The following UBR3 variants were observed in gnomAD, a reference collection of about 807,000 sequenced individuals.
UBR3 encodes E3 ubiquitin-protein ligase UBR3.
Under a neutral mutation model 243.2 loss-of-function variants are expected in UBR3, and 85 were observed. The observed-to-expected ratio is 0.35, with a 90% CI of 0.29 to 0.42. UBR3 has a LOEUF of 0.42. Ranked by LOEUF, UBR3 falls within the 10% of genes least tolerant of loss-of-function variation. The pLI, the probability that UBR3 is intolerant of heterozygous loss-of-function variation, is 1.00. For synonymous variants in UBR3, 748 were observed against 799.8 expected, an observed-to-expected ratio of 0.94 and a Z score of 1.09; for missense variants, 1,686 against 2,300.8, an observed-to-expected ratio of 0.73 and a Z score of 5.47.
chr2:169,996,642 G>A (rs2089487863), intron 26 of UBR3, among the ~76,000 whole-genome samples: 1 of 147,726 alleles, frequency 6.8e-6, no homozygotes, highest in South Asian at 2.1e-4. Flanking sequence ...ACGTATGTGT[G>A]TACACATATT....
chr2:170,024,353 CAAAAAA>C (rs10606818), intron 30 of UBR3, among the ~76,000 whole-genome samples: 7 of 101,956 alleles, frequency 6.9e-5, no homozygotes, highest in Non-Finnish European at 9.4e-5. Context: ...GACTCCATCT[CAAAAAA>C]AAAAAAAAAA....
At chr2:169,946,417 T>A in intron 21 of UBR3, 25 bp downstream of exon 21, 2 of 1,370,688 alleles carry the variant, frequency 1.5e-6, no homozygotes, top group Non-Finnish European at 2.0e-6. Flanking sequence ...TAATTTAAAA[T>A]TTTTAGATAG....
chr2:170,004,641 T>TG (rs2105402733), intron 27 of UBR3, among the ~76,000 whole-genome samples: 1 of 152,216 alleles, frequency 6.6e-6, no homozygotes, highest in African/African-American at 2.4e-5. Flanking sequence ...CCAGGTACGG[T>TG]GGCTCATGCC....
intron 1 of UBR3, among the ~76,000 whole-genome samples, chr2:169,851,767 G>A (rs1237847179): frequency 6.6e-6 from 1 of 151,534 alleles, no homozygotes; most frequent in Non-Finnish European, 1.5e-5. Flanking sequence ...GAACCAGGGA[G>A]GCTGAGGTTG....
chr2:169,946,638 A>C (rs1458594908), intron 21 of UBR3, among the ~76,000 whole-genome samples: 1 of 152,128 alleles, frequency 6.6e-6, no homozygotes, highest in Admixed American at 6.5e-5. Context: ...TCATTGATAC[A>C]TTAAATTCTA....
At chr2:170,002,702 A>G (rs968533535) in intron 27 of UBR3, among the ~76,000 whole-genome samples, 7 of 151,906 alleles carry the variant, frequency 4.6e-5, no homozygotes, top group African/African-American at 1.7e-4. Flanking sequence ...TTTCTTCTGT[A>G]TTTTCAGTTT....
chr2:169,911,535 T>C (rs1415839726), intron 10 of UBR3, among the ~76,000 whole-genome samples: 3 of 152,072 alleles, frequency 2.0e-5, no homozygotes, highest in African/African-American at 7.2e-5. Context: ...CATACTGACT[T>C]TTTTGGGGGT....
intron 36 of UBR3, chr2:170,078,196 A>G (rs1012481187): frequency 1.9e-6 from 1 of 531,292 alleles, no homozygotes; most frequent in Non-Finnish European, 3.6e-6. Context: ...TTGAATGTTC[A>G]TAAGCCTCTC....
At chr2:169,948,076 T>G in intron 22 of UBR3, 1 of 374,886 alleles carries the variant, frequency 2.7e-6, no homozygotes, top group Non-Finnish European at 3.5e-6. Flanking sequence ...TGGATTTATG[T>G]GTGTTTTTTT....
intron 26 of UBR3, among the ~76,000 whole-genome samples, chr2:169,999,203 A>C (rs1574368412): frequency 1.3e-5 from 2 of 152,352 alleles, no homozygotes; most frequent in Middle Eastern, 6.8e-3. Context: ...TTAACGGACT[A>C]CCAATCATTC....
intron 30 of UBR3, among the ~76,000 whole-genome samples, chr2:170,028,391 G>C (rs2090585064): frequency 6.6e-6 from 1 of 151,664 alleles, no homozygotes; most frequent in Non-Finnish European, 1.5e-5. Flanking sequence ...ATCTGGTCTA[G>C]TTTTAATTAG....
At chr2:169,909,859 C>T (rs1366626830) in intron 10 of UBR3, among the ~76,000 whole-genome samples, 2 of 151,816 alleles carry the variant, frequency 1.3e-5, no homozygotes, top group African/African-American at 2.4e-5. Context: ...ATTCAGGTAG[C>T]ATATATTTGA....
chr2:169,844,858 T>C (rs2082417011), intron 1 of UBR3, among the ~76,000 whole-genome samples: 1 of 152,156 alleles, frequency 6.6e-6, no homozygotes, highest in African/African-American at 2.4e-5. Context: ...GATTTTTTGT[T>C]GTTGTTGTTC....
At position 169,827,502 on chromosome 2, in the gene UBR3, C is replaced by T. The variant is rs1176907398; in HGVS notation, c.-6C>T. The T allele has an allele frequency of 4.1e-6, 5 of 1,228,276 alleles. No individual in the cohort carries two copies. The highest frequency in any genetic ancestry group is 5.1e-6 in the Non-Finnish European group (5 of 986,472). 76.1% of individuals were successfully genotyped at this position (1,228,276 alleles called of 1,614,324 possible). On this transcript the variant is annotated 5_prime_UTR_variant, in exon 1 of 39. Transcript: ENST00000272793. Reference sequence around the variant, plus strand: ...CCCTGGACTCTCCAAATTCTGAGCTCTCATCATGGCGGCGGCGGCCGCGGC... The same window carrying T: ...CCCTGGACTCTCCAAATTCTGAGCTTTCATCATGGCGGCGGCGGCCGCGGC...
chr2:169,914,474 A>G (rs775540552), intron 11 of UBR3, among the ~76,000 whole-genome samples: 2 of 152,198 alleles, frequency 1.3e-5, no homozygotes, highest in Non-Finnish European at 2.9e-5. Flanking sequence ...AAAAGTGACA[A>G]TGCAAATGTG....
At position 170,077,228 on chromosome 2, in the gene UBR3, A is replaced by G. The variant is rs957459075; in HGVS notation, c.5200-2586A>G. 7 of 718,898 alleles carry G rather than the reference A, an allele frequency of 9.7e-6. No homozygotes were observed. The East Asian group carries it at 1.9e-4, about 20-fold the overall frequency. The allele number at this position is 718,898 out of a possible 1,614,324, so 44.5% of individuals were successfully genotyped here. The stretch of plus-strand genomic sequence containing the variant: ...TAAATATCTATGAAAGTGCTGTCAG[A>G]CCAGTAAGACTGCATTTATACATCC... On this transcript the variant is annotated intron_variant, in intron 36 of 38. Coordinates refer to ENST00000272793, the MANE Select transcript of UBR3 (RefSeq NM_172070.4).
chr2:169,873,668 G>A (rs2083501966), intron 2 of UBR3, among the ~76,000 whole-genome samples: 1 of 151,934 alleles, frequency 6.6e-6, no homozygotes, highest in Admixed American at 6.6e-5. Context: ...GTGAGAGTGT[G>A]CCCTGTGCCC....
At chr2:170,058,662 C>T (rs2091393337) in intron 33 of UBR3, among the ~76,000 whole-genome samples, 1 of 151,878 alleles carries the variant, frequency 6.6e-6, no homozygotes, top group Non-Finnish European at 1.5e-5. Context: ...ACTACAGGCA[C>T]ACACCACCAC....
intron 1 of UBR3, among the ~76,000 whole-genome samples, chr2:169,841,128 C>T (rs1307644189): frequency 6.6e-6 from 1 of 152,104 alleles, no homozygotes; most frequent in African/African-American, 2.4e-5. Flanking sequence ...CCTAAGCATG[C>T]TTTTTTATTC....
Sources: gnomAD v4.1 joint callset for allele counts (sites outside exome capture counted in the v4.1 genomes callset) on GRCh38, gnomAD v4.1.1 for gene constraint, MANE v1.5 for transcripts, NCBI Gene and HGNC (gene_info 2026-07-23, HGNC 2026-07-21) for gene names.